The following DNTT variants were observed in gnomAD, a reference collection of about 807,000 sequenced individuals.
The protein encoded by DNTT is nucleosidetriphosphate:DNA deoxynucleotidylexotransferase.
DNTT carries 47 observed loss-of-function variants against 60.9 expected under a neutral mutation model. The observed-to-expected ratio is 0.77, with a 90% confidence interval of 0.61 to 0.98. The LOEUF is 0.98. Ranked by LOEUF, DNTT falls within the 50% of genes least tolerant of loss-of-function variation. The pLI is 0.00. For missense variants in DNTT, 665 were observed against 627.5 expected (o/e 1.06, Z -0.64); for synonymous variants, 224 against 221.2 (o/e 1.01, Z -0.11).
At position 96,304,791 on chromosome 10, in the gene DNTT, G is replaced by T. The variant is rs1346015915; in HGVS notation, c.203+91G>T. On this transcript the variant is annotated intron_variant, in intron 1 of 10. Transcript: ENST00000371174. ...AAGGAACCTGTGTTTTCTTCCACAT[G>T]TGGAAGAGGTGATCTTCCCACTGGG... The T allele has an allele frequency of 4.3e-6, 6 of 1,388,532 alleles. No individual in the cohort carries two copies. The African/African-American group carries it at 4.4e-5, about 10-fold the overall frequency. 86.0% of individuals were successfully genotyped at this position (1,388,532 alleles called of 1,614,324 possible).
At chr10:96,331,928 C>T (rs1218067400) in intron 8 of DNTT, among the ~76,000 whole-genome samples, 1 of 152,058 alleles carries the variant, frequency 6.6e-6, no homozygotes, top group Non-Finnish European at 1.5e-5. Context: ...TAGACACGTG[C>T]CATCATACCT....
chr10:96,312,344 T>C (rs893769752), intron 1 of DNTT, among the ~76,000 whole-genome samples: 1 of 152,186 alleles, frequency 6.6e-6, no homozygotes, highest in Non-Finnish European at 1.5e-5. Flanking sequence ...AGAGTGCTGG[T>C]GACTGATTCA....
At chr10:96,326,221 G>T (rs549963213) in intron 6 of DNTT, among the ~76,000 whole-genome samples, 1 of 152,268 alleles carries the variant, frequency 6.6e-6, no homozygotes, top group South Asian at 2.1e-4. Flanking sequence ...CATGATGACA[G>T]TTTCTGTATT....
At chr10:96,324,013 C>T (rs1349532566) in intron 5 of DNTT, among the ~76,000 whole-genome samples, 1 of 152,096 alleles carries the variant, frequency 6.6e-6, no homozygotes, top group African/African-American at 2.4e-5. Context: ...ATACCTTAGC[C>T]CTGCACAGGT....
At chr10:96,333,537 C>T (rs1377678716) in intron 9 of DNTT, among the ~76,000 whole-genome samples, 2 of 152,174 alleles carry the variant, frequency 1.3e-5, no homozygotes, top group African/African-American at 4.8e-5. Flanking sequence ...GCATGATACA[C>T]CATAGCCAAG....
intron 4 of DNTT, 50 bp from the exon 5 acceptor site, chr10:96,322,607 A>G: frequency 1.4e-6 from 2 of 1,476,200 alleles, no homozygotes; most frequent in Non-Finnish European, 9.3e-7. Context: ...AGTCTTAGAC[A>G]GTAATTGTCC....
intron 1 of DNTT, among the ~76,000 whole-genome samples, chr10:96,316,728 G>C (rs1720606138): frequency 6.6e-6 from 1 of 152,152 alleles, no homozygotes; most frequent in African/African-American, 2.4e-5. Context: ...CCAACCAGCT[G>C]CCTCTCCCAG....
intron 1 of DNTT, among the ~76,000 whole-genome samples, chr10:96,307,358 T>G (rs755218304): frequency 0.012 from 1,623 of 132,442 alleles, 44 homozygotes; most frequent in African/African-American, 0.041. Context: ...TTTTTTTTTT[T>G]TTTTTTTTTT....
intron 1 of DNTT, among the ~76,000 whole-genome samples, chr10:96,314,402 CTTTTTTTTTTTT>C (rs869059822): frequency 7.5e-5 from 4 of 53,228 alleles, no homozygotes; most frequent in Non-Finnish European, 1.2e-4. Flanking sequence ...TATCTCTTCC[CTTTTTTTTTTTT>C]TTTTTTTTTT....
intron 1 of DNTT, among the ~76,000 whole-genome samples, chr10:96,308,491 C>A (rs1391258326): frequency 1.3e-5 from 2 of 152,174 alleles, no homozygotes; most frequent in African/African-American, 4.8e-5. Flanking sequence ...AGGATCAGAA[C>A]CTACTGCTTG....
At chr10:96,329,252 C>T (rs1267940816) in intron 8 of DNTT, among the ~76,000 whole-genome samples, 2 of 152,198 alleles carry the variant, frequency 1.3e-5, no homozygotes, top group African/African-American at 2.4e-5. Flanking sequence ...TCGATAGATT[C>T]GAGGCACTTC....
At chr10:96,311,460 T>C (rs762281354) in intron 1 of DNTT, among the ~76,000 whole-genome samples, 6 of 151,984 alleles carry the variant, frequency 3.9e-5, no homozygotes, top group African/African-American at 9.7e-5. Context: ...CAGGATCAAC[T>C]AGGAAAAGAA....
At chr10:96,309,442 T>G (rs1407472738) in intron 1 of DNTT, among the ~76,000 whole-genome samples, 1 of 151,890 alleles carries the variant, frequency 6.6e-6, no homozygotes, top group Non-Finnish European at 1.5e-5. Context: ...TAGCATATAT[T>G]CCAAGTTTGA....
chr10:96,324,976 C>G (rs972243284), intron 6 of DNTT, among the ~76,000 whole-genome samples: 1 of 152,140 alleles, frequency 6.6e-6, no homozygotes, highest in Non-Finnish European at 1.5e-5. Context: ...AACCAGGACT[C>G]TTTCGCCTAA....
chr10:96,335,735 C>G (rs902332310), intron 9 of DNTT, among the ~76,000 whole-genome samples, 156 bp from the exon 10 acceptor site: 1 of 152,188 alleles, frequency 6.6e-6, no homozygotes, highest in Non-Finnish European at 1.5e-5. Context: ...TTCATGGGAG[C>G]ACGGACTTCT....
chr10:96,326,221 G>A (rs549963213), intron 6 of DNTT, among the ~76,000 whole-genome samples: 1 of 152,150 alleles, frequency 6.6e-6, no homozygotes, highest in Non-Finnish European at 1.5e-5. Context: ...CATGATGACA[G>A]TTTCTGTATT....
chr10:96,310,062 G>A (rs1844691934), intron 1 of DNTT, among the ~76,000 whole-genome samples: 1 of 152,188 alleles, frequency 6.6e-6, no homozygotes, highest in East Asian at 1.9e-4. Context: ...CACCACAAAA[G>A]TTTGCTTCTC....
At chr10:96,324,171 T>C (rs542218792) in intron 5 of DNTT, 95 bp from the exon 6 acceptor site, 40 of 1,442,234 alleles carry the variant, frequency 2.8e-5, no homozygotes, top group South Asian at 3.3e-5. Flanking sequence ...TTGCTTATAC[T>C]TTTTCTTCAT....
intron 1 of DNTT, among the ~76,000 whole-genome samples, chr10:96,314,594 A>G (rs926485892): frequency 6.7e-6 from 1 of 148,936 alleles, no homozygotes; most frequent in East Asian, 1.9e-4. Flanking sequence ...TTGTATTTTT[A>G]GTAGAGACAG....
Sources: gnomAD v4.1 joint callset for allele counts (sites outside exome capture counted in the v4.1 genomes callset) on GRCh38, gnomAD v4.1.1 for gene constraint, MANE v1.5 for transcripts, NCBI Gene and HGNC (gene_info 2026-07-23, HGNC 2026-07-21) for gene names.